Variants in FKTN observed in about 807,000 individuals in gnomAD.
The protein encoded by FKTN is ribitol-5-phosphate transferase FKTN.
In FKTN, 47 loss-of-function variants were observed where a neutral mutation model predicts 58.6. The ratio of observed to expected loss-of-function variants is 0.80; its 90% CI spans 0.63 to 1.02. The LOEUF (loss-of-function observed/expected upper bound fraction) is 1.02, where lower values mean the gene tolerates loss of function less well. Ranked by LOEUF, FKTN falls within the 50% of genes least tolerant of loss-of-function variation. The pLI, the probability that FKTN is intolerant of heterozygous loss-of-function variation, is 0.00. For missense variants in FKTN, 516 were observed against 537.3 expected (o/e 0.96, Z 0.39); for synonymous variants, 178 against 191.9 (o/e 0.93, Z 0.60).
intron 10 of FKTN, among the ~76,000 whole-genome samples, chr9:105,626,626 G>A (rs777419382): frequency 2.0e-4 from 31 of 152,134 alleles, no homozygotes; most frequent in African/African-American, 7.2e-4. Context: ...TTGCTTGGTC[G>A]TAGGGTATTC....
Position 105,639,333 on chromosome 9 carries a change from G to T in FKTN, c.*4069G>T, listed in dbSNP as rs1834268947. Reference sequence around the variant, plus strand: ...GGAAGGCAATGTGTTGCCATAAAAAGACCACAAGCTTTTGAGTTAGGCCTG... The same window carrying T: ...GGAAGGCAATGTGTTGCCATAAAAATACCACAAGCTTTTGAGTTAGGCCTG... On this transcript the variant is annotated 3_prime_UTR_variant, in exon 11 of 11. Coordinates refer to ENST00000357998, the MANE Select transcript of FKTN (RefSeq NM_001079802.2). The T allele has an allele frequency of 1.0e-6, 1 of 966,182 alleles. No individual in the cohort carries two copies. Among genetic ancestry groups the T allele is most frequent in the African/African-American group, 1.8e-5 (1 of 56,914 alleles). The allele number at this position is 966,182 out of a possible 1,614,324, so 59.9% of individuals were successfully genotyped here. A position where few individuals can be genotyped will look rare whatever the true frequency, so the allele number is the denominator to read the frequency against.
intron 6 of FKTN, among the ~76,000 whole-genome samples, chr9:105,606,012 C>T (rs1828828101): frequency 6.6e-6 from 1 of 152,074 alleles, no homozygotes; most frequent in East Asian, 1.9e-4. Flanking sequence ...TAAGTATACA[C>T]ACCTACTATG....
At chr9:105,583,090 T>C (rs904229088) in intron 3 of FKTN, among the ~76,000 whole-genome samples, 1 of 152,202 alleles carries the variant, frequency 6.6e-6, no homozygotes, top group Non-Finnish European at 1.5e-5. Flanking sequence ...ACTATTGTTA[T>C]TTAGCTTTTC....
intron 1 of FKTN, 44 bp downstream of exon 1, chr9:105,558,209 C>A (rs1365933097): frequency 1.3e-5 from 2 of 152,230 alleles, no homozygotes; most frequent in Non-Finnish European, 2.9e-5. Flanking sequence ...GATGGGTGGG[C>A]GCCTTCAGAC....
At chr9:105,591,725 TG>T (rs1302823781) in intron 3 of FKTN, among the ~76,000 whole-genome samples, 1 of 152,166 alleles carries the variant, frequency 6.6e-6, no homozygotes, top group East Asian at 1.9e-4. Context: ...AGTGCCCCAG[TG>T]GGGGCTCTCT....
At chr9:105,600,234 T>C (rs1318813993) in intron 4 of FKTN, among the ~76,000 whole-genome samples, 1 of 152,194 alleles carries the variant, frequency 6.6e-6, no homozygotes, top group African/African-American at 2.4e-5. Flanking sequence ...CTTAGCTTTA[T>C]CTCATCCTTT....
chr9:105,582,012 G>T (rs1003821718), intron 3 of FKTN, among the ~76,000 whole-genome samples: 3 of 152,122 alleles, frequency 2.0e-5, no homozygotes, highest in South Asian at 2.1e-4. Context: ...GCAATGCCTC[G>T]CCCTGCTTCG....
intron 10 of FKTN, among the ~76,000 whole-genome samples, chr9:105,620,920 A>C (rs1016851911): frequency 3.9e-5 from 6 of 152,028 alleles, no homozygotes; most frequent in Non-Finnish European, 7.4e-5. Context: ...TTCTTAGAGA[A>C]CTTCTGTAAG....
At chr9:105,589,478 G>A (rs1844469968) in intron 3 of FKTN, among the ~76,000 whole-genome samples, 1 of 151,708 alleles carries the variant, frequency 6.6e-6, no homozygotes, top group African/African-American at 2.4e-5. Flanking sequence ...CTCCAGCCTG[G>A]GTGACAGAAT....
At chr9:105,569,496 G>C (rs1490021777) in intron 1 of FKTN, among the ~76,000 whole-genome samples, 1 of 152,094 alleles carries the variant, frequency 6.6e-6, no homozygotes, top group Non-Finnish European at 1.5e-5. Context: ...AAACATAAAA[G>C]AATGTGTTCT....
rs557765297 is a variant in FKTN, at chr9:105,603,554, C to G, written c.370-661C>G. 7 of 152,282 alleles carry G rather than the reference C, an allele frequency of 4.6e-5. No individual in the cohort carries two copies. In the East Asian group the frequency reaches 1.2e-3, roughly 25 times the overall value. 9.4% of individuals were successfully genotyped at this position (152,282 alleles called of 1,614,324 possible). A position where few individuals can be genotyped will look rare whatever the true frequency, so the allele number is the denominator to read the frequency against. ...TTATTAAAAGTTAAATTAAGAATTA[C>G]AAGTTTAATTTTAAGTGCTGTCCTT... On this transcript the variant is annotated intron_variant, in intron 5 of 10. Transcript: ENST00000357998.
intron 5 of FKTN, among the ~76,000 whole-genome samples, chr9:105,602,592 G>C (rs2132738975): frequency 6.6e-6 from 1 of 152,346 alleles, no homozygotes; most frequent in Middle Eastern, 3.4e-3. Context: ...GTCTCGCTGT[G>C]TCACCCAGGC....
chr9:105,635,257 T>TA lies in FKTN; in HGVS notation c.1380dup (p.Tyr461IlefsTer4), dbSNP rs775366895. Reference sequence around the variant, plus strand: ...TCTGAGTGGGATGAGGTTATCCAGTTATATTGAGATAGTAGGTTGAAATGG... The same window carrying TA: ...TCTGAGTGGGATGAGGTTATCCAGTTAATATTGAGATAGTAGGTTGAAATGG... On this transcript the variant is annotated frameshift_variant, in exon 11 of 11. Coordinates refer to ENST00000357998, the MANE Select transcript of FKTN (RefSeq NM_001079802.2). LOFTEE classifies it high-confidence loss of function. The TA allele has an allele frequency of 7.8e-5, 126 of 1,613,922 alleles. No individual in the cohort carries two copies. Among genetic ancestry groups the TA allele is most frequent in the Non-Finnish European group, 1.0e-4 (123 of 1,179,882 alleles).
At chr9:105,628,526 T>C (rs773722065) in intron 10 of FKTN, among the ~76,000 whole-genome samples, 5 of 152,188 alleles carry the variant, frequency 3.3e-5, no homozygotes, top group Non-Finnish European at 7.4e-5. Flanking sequence ...GTCGAATAGT[T>C]TGTTGTTTGA....
rs760967116 is a variant in FKTN, at chr9:105,604,414, G to A, written c.569G>A (p.Arg190Lys). The A allele has an allele frequency of 2.5e-6, 4 of 1,614,052 alleles. No individual in the cohort carries two copies. The South Asian group carries it at 3.3e-5, about 13-fold the overall frequency. ...SGNYLWHGHL[R>K]LKEHIDRKFV... Reference sequence around the variant, plus strand: ...AACTACCTCTGGCACGGCCACTTGAGACTTAAAGAACACATTGACAGGAAA... The same window carrying A: ...AACTACCTCTGGCACGGCCACTTGAAACTTAAAGAACACATTGACAGGAAA... Residue 190 changes from arginine (R) to lysine (K), a missense_variant, in exon 6 of 11, where the codon AGA (arginine) becomes AAA (lysine). By Grantham distance (26) the Arg-to-Lys change is conservative. Transcript: ENST00000357998.
intron 10 of FKTN, among the ~76,000 whole-genome samples, chr9:105,632,667 T>A (rs368001597): frequency 2.0e-4 from 31 of 152,170 alleles, no homozygotes; most frequent in African/African-American, 6.3e-4. Context: ...TAAGGATATC[T>A]GTGAGGGAAA....
rs554149293 is a variant in FKTN, at chr9:105,606,028, A to T, written c.647+1536A>T. Among the ~76,000 whole-genome samples, 72 of 152,262 alleles carry T rather than the reference A, an allele frequency of 4.7e-4. 1 individual carries two copies. Among genetic ancestry groups the T allele is most frequent in the South Asian group, 6.2e-4 (3 of 4,828 alleles). The stretch of plus-strand genomic sequence containing the variant: ...AAGTATACACACCTACTATGTACCT[A>T]CAAAAATTGAAAATACAAAAGTGAA... On this transcript the variant is annotated intron_variant, in intron 6 of 10. Transcript: ENST00000357998.
rs1834061363 is a variant in FKTN, at chr9:105,636,669, C to T, written c.*1405C>T. The T allele has an allele frequency of 7.9e-7, 1 of 1,263,972 alleles. No homozygotes were observed. Among genetic ancestry groups the T allele is most frequent in the Non-Finnish European group, 1.0e-6 (1 of 963,816 alleles). 78.3% of individuals were successfully genotyped at this position (1,263,972 alleles called of 1,614,324 possible). On this transcript the variant is annotated 3_prime_UTR_variant, in exon 11 of 11. Coordinates refer to ENST00000357998, the MANE Select transcript of FKTN (RefSeq NM_001079802.2). ...TAAGCACTGCTATTTTTCTCTTTGT[C>T]TAGGAAAGGAAGCTGAATCTTATAT...
intron 10 of FKTN, among the ~76,000 whole-genome samples, chr9:105,622,000 T>C (rs2133252376): frequency 6.6e-6 from 1 of 152,234 alleles, no homozygotes; most frequent in Middle Eastern, 3.4e-3. Context: ...ATTGCCAAAT[T>C]GCCCTCCAAA....
Sources: gnomAD v4.1 joint callset for allele counts (sites outside exome capture counted in the v4.1 genomes callset) on GRCh38, gnomAD v4.1.1 for gene constraint, MANE v1.5 for transcripts, NCBI Gene and HGNC (gene_info 2026-07-23, HGNC 2026-07-21) for gene names.